The following AFTPH variants were observed in gnomAD, a reference collection of about 807,000 sequenced individuals.
The protein encoded by AFTPH is aftiphilin.
In AFTPH, 7 loss-of-function variants were observed where a neutral mutation model predicts 72.5. The ratio of observed to expected loss-of-function variants is 0.10; its 90% CI spans 0.05 to 0.18. The LOEUF is 0.18. AFTPH is among the 10% of genes least tolerant of loss of function. AFTPH has a pLI of 1.00. For missense variants in AFTPH, 979 were observed against 1,060.5 expected (o/e 0.92, Z 1.07); for synonymous variants, 337 against 370.1 (o/e 0.91, Z 1.03).
At chr2:64,528,400 GTTTC>G (rs1669409002) in intron 1 of AFTPH, among the ~76,000 whole-genome samples, 1 of 152,134 alleles carries the variant, frequency 6.6e-6, no homozygotes, top group Non-Finnish European at 1.5e-5. Context: ...TACAGCTTCA[GTTTC>G]TTTATGTATA....
chr2:64,578,594 G>A (rs1023239849), intron 6 of AFTPH, among the ~76,000 whole-genome samples: 29 of 148,734 alleles, frequency 1.9e-4, no homozygotes, highest in Non-Finnish European at 3.7e-4. Flanking sequence ...TCACTCTGTC[G>A]CCCAGGCTAG....
At chr2:64,581,138 C>G in intron 7 of AFTPH, 52 bp from the exon 8 acceptor site, 1 of 1,408,186 alleles carries the variant, frequency 7.1e-7, no homozygotes, top group Non-Finnish European at 9.8e-7. Context: ...CCCCTCCTCC[C>G]TTGGCTTACC....
intron 1 of AFTPH, among the ~76,000 whole-genome samples, chr2:64,528,244 A>C (rs1479152068): frequency 6.6e-6 from 1 of 152,182 alleles, no homozygotes; most frequent in African/African-American, 2.4e-5. Context: ...AAACCATTTC[A>C]ATTAAATATC....
At position 64,560,174 on chromosome 2, in the gene AFTPH, A is replaced by G. The variant is rs1572993427; in HGVS notation, c.1935+6765A>G. ...CGTGCCAGTCGAGAAGCTCTGCATT[A>G]GATTAAATGGCTTACTTGCACCAGT... On this transcript the variant is annotated intron_variant, in intron 2 of 8. Transcript: ENST00000238856. Among the ~76,000 whole-genome samples the G allele has an allele frequency of 3.3e-5, 5 of 152,332 alleles. No homozygotes were observed. In the South Asian group the frequency reaches 1.0e-3, roughly 32 times the overall value.
intron 1 of AFTPH, among the ~76,000 whole-genome samples, chr2:64,537,206 A>G (rs1009097203): frequency 6.6e-6 from 1 of 152,210 alleles, no homozygotes. Flanking sequence ...GCCTCTGTAG[A>G]ATACATCCTT....
At chr2:64,576,602 C>T (rs972216998) in intron 6 of AFTPH, among the ~76,000 whole-genome samples, 10 of 152,174 alleles carry the variant, frequency 6.6e-5, no homozygotes, top group Admixed American at 6.5e-4. Flanking sequence ...CAATACTTTA[C>T]ACTTTATTCA....
chr2:64,550,376 G>C (rs931006163), intron 1 of AFTPH, among the ~76,000 whole-genome samples: 4 of 152,170 alleles, frequency 2.6e-5, no homozygotes, highest in Middle Eastern at 3.4e-3. Flanking sequence ...AAAAGAAAAA[G>C]AAAAGGAATG....
intron 6 of AFTPH, among the ~76,000 whole-genome samples, chr2:64,578,329 A>C (rs969641164): frequency 1.3e-5 from 2 of 152,238 alleles, no homozygotes; most frequent in Non-Finnish European, 2.9e-5. Flanking sequence ...TGTCCAAAAA[A>C]AGACGATAAC....
chr2:64,592,889 AAG>A (rs1004088123), exon 9 of AFTPH: 5 of 152,670 alleles, frequency 3.3e-5, no homozygotes, highest in South Asian at 2.1e-4. Flanking sequence ...CTATGGAAAA[AAG>A]AGAGACATGT....
At chr2:64,577,945 A>AACC (rs1233887456) in intron 6 of AFTPH, among the ~76,000 whole-genome samples, 2 of 152,090 alleles carry the variant, frequency 1.3e-5, no homozygotes, top group Admixed American at 6.5e-5. Context: ...AGATTCCTGT[A>AACC]ACCACCACCA....
At chr2:64,539,586 A>C (rs1670098592) in intron 1 of AFTPH, among the ~76,000 whole-genome samples, 1 of 152,196 alleles carries the variant, frequency 6.6e-6, no homozygotes, top group Non-Finnish European at 1.5e-5. Flanking sequence ...ATAGAAATCT[A>C]ATTGGAGTGT....
chr2:64,526,232 A>C (rs1053074284), intron 1 of AFTPH, among the ~76,000 whole-genome samples: 5 of 152,236 alleles, frequency 3.3e-5, no homozygotes, highest in Non-Finnish European at 2.9e-5. Flanking sequence ...ATATCATAAA[A>C]CATCATTTTA....
chr2:64,571,404 C>A (rs9309362), intron 5 of AFTPH, among the ~76,000 whole-genome samples: 76,575 of 151,986 alleles, frequency 0.5, 21,445 homozygotes, highest in African/African-American at 0.77. Context: ...TTCAAATTAA[C>A]AAACTTGGCT....
At chr2:64,526,812 C>T (rs1178678614) in intron 1 of AFTPH, among the ~76,000 whole-genome samples, 1 of 152,162 alleles carries the variant, frequency 6.6e-6, no homozygotes, top group East Asian at 1.9e-4. Flanking sequence ...AGATAGTTTT[C>T]TAAATGCTTT....
intron 8 of AFTPH, among the ~76,000 whole-genome samples, chr2:64,590,748 C>T (rs181782296): frequency 3.0e-4 from 45 of 152,284 alleles, no homozygotes; most frequent in Admixed American, 2.7e-3. Flanking sequence ...TCCTAAAAGT[C>T]GTTGGATTTT....
At chr2:64,552,259 G>T (rs775045835) in exon 2 of AFTPH, 13 of 1,613,784 alleles carry the variant, frequency 8.1e-6, no homozygotes, top group South Asian at 1.1e-5. Context: ...CTAACCATTC[G>T]GGAAAACAAT....
chr2:64,572,703 T>A (rs1324177226), intron 5 of AFTPH, among the ~76,000 whole-genome samples: 13 of 152,120 alleles, frequency 8.5e-5, no homozygotes, highest in Admixed American at 8.5e-4. Flanking sequence ...TAAATAAAAT[T>A]TAAGAATAGC....
chr2:64,585,431 C>T lies in AFTPH; in HGVS notation c.2465C>T (p.Pro822Leu), dbSNP rs763161025. 9.9e-6 allele frequency: 16 copies of T among 1,609,368 alleles called. No individual in the cohort carries two copies. In the South Asian group the frequency reaches 1.4e-4, roughly 14 times the overall value. The change falls in exon 8 of 9, where the codon CCG becomes CTG. Residue 822 changes from proline (P) to leucine (L), a missense_variant. Pro to Leu is a moderately conservative substitution (Grantham distance 98). Transcript: ENST00000238856. ...CATTTTATACTATAAGGTGTGGATC[C>T]GGAGTTGTATGAGTTAACAACTTCT...
chr2:64,568,434 G>T (rs2104055014), intron 3 of AFTPH, among the ~76,000 whole-genome samples: 1 of 151,948 alleles, frequency 6.6e-6, no homozygotes, highest in East Asian at 1.9e-4. Context: ...ATCTAGAATG[G>T]TTTCAGTCTG....
Sources: allele counts gnomAD v4.1 joint callset (sites outside exome capture counted in the v4.1 genomes callset), GRCh38; gene constraint gnomAD v4.1.1; transcripts MANE v1.5; gene names NCBI Gene and HGNC (gene_info 2026-07-23, HGNC 2026-07-21).